The following SGCD variants were observed in gnomAD, a reference collection of about 807,000 sequenced individuals.
SGCD encodes the protein delta-sarcoglycan.
In SGCD, 18 loss-of-function variants were observed where a neutral mutation model predicts 36.6. That is an observed-to-expected ratio of 0.49 (90% CI 0.34 to 0.73). SGCD has a LOEUF of 0.73. SGCD is among the 30% of genes least tolerant of loss of function. The pLI, the probability that SGCD is intolerant of heterozygous loss-of-function variation, is 0.01. For synonymous variants in SGCD, 133 were observed against 130.6 expected, an observed-to-expected ratio of 1.02 and a Z score of -0.12; for missense variants, 387 against 346.7, an observed-to-expected ratio of 1.12 and a Z score of -0.92.
At chr5:156,151,797 G>T (rs1762841771) in intron 3 of SGCD, among the ~76,000 whole-genome samples, 1 of 150,682 alleles carries the variant, frequency 6.6e-6, no homozygotes, top group South Asian at 2.1e-4. Context: ...CTGGACCAAA[G>T]GTATGTCTAC....
At chr5:156,111,066 A>T (rs1581104807) in intron 1 of SGCD, among the ~76,000 whole-genome samples, 1 of 152,332 alleles carries the variant, frequency 6.6e-6, no homozygotes, top group African/African-American at 2.4e-5. Context: ...GCTCTAAAAC[A>T]TCCATGGGCA....
At chr5:156,606,049 A>T (rs1561809829) in intron 6 of SGCD, among the ~76,000 whole-genome samples, 1 of 152,172 alleles carries the variant, frequency 6.6e-6, no homozygotes, top group African/African-American at 2.4e-5. Flanking sequence ...CTTTAGCTTA[A>T]TTAGATCCCA....
the SGCD span, among the ~76,000 whole-genome samples, chr5:155,793,977 GAA>G: frequency 6.7e-6 from 1 of 149,602 alleles, no homozygotes; most frequent in African/African-American, 2.5e-5. Context: ...AAAAGAGAGA[GAA>G]AGAATAAAAC....
intron 3 of SGCD, among the ~76,000 whole-genome samples, chr5:156,298,187 G>A (rs1322542165): frequency 6.6e-6 from 1 of 152,054 alleles, no homozygotes; most frequent in East Asian, 1.9e-4. Context: ...ATCTGTTGAT[G>A]TACACTTAGG....
the SGCD span, among the ~76,000 whole-genome samples, chr5:155,856,466 A>C: frequency 6.6e-6 from 1 of 152,236 alleles, no homozygotes; most frequent in African/African-American, 2.4e-5. Flanking sequence ...TATTAAAAGT[A>C]ACCTCTAAGT....
chr5:156,398,945 A>G (rs970639606), intron 3 of SGCD, among the ~76,000 whole-genome samples: 5 of 152,182 alleles, frequency 3.3e-5, no homozygotes, highest in Admixed American at 2.6e-4. Flanking sequence ...TAAGTGCTCA[A>G]TAGCCACATG....
At chr5:155,961,853 T>C (rs1000617160) in intron 1 of SGCD, among the ~76,000 whole-genome samples, 1 of 152,082 alleles carries the variant, frequency 6.6e-6, no homozygotes, top group African/African-American at 2.4e-5. Flanking sequence ...AACAGAATAG[T>C]ACTTGGTATG....
intron 1 of SGCD, among the ~76,000 whole-genome samples, chr5:156,022,438 A>G (rs907815202): frequency 1.1e-4 from 16 of 152,320 alleles, no homozygotes; most frequent in Admixed American, 9.8e-4. Flanking sequence ...TTCAAATGTG[A>G]CTTCTAAAAT....
the SGCD span, among the ~76,000 whole-genome samples, chr5:155,828,342 A>G: frequency 6.6e-6 from 1 of 152,182 alleles, no homozygotes; most frequent in South Asian, 2.1e-4. Context: ...AACCCAGAGC[A>G]GTTTGGCTCA....
chr5:156,049,482 G>T (rs1419225631), intron 1 of SGCD, among the ~76,000 whole-genome samples: 2 of 145,698 alleles, frequency 1.4e-5, no homozygotes, highest in East Asian at 1.9e-4. Flanking sequence ...CCATTTGTTT[G>T]TATCCTCTTT....
At chr5:156,130,626 G>A (rs1472725238) in intron 3 of SGCD, among the ~76,000 whole-genome samples, 3 of 152,090 alleles carry the variant, frequency 2.0e-5, no homozygotes, top group African/African-American at 7.2e-5. Context: ...CAGGCCAGTT[G>A]TGAGGAAATA....
intron 7 of SGCD, among the ~76,000 whole-genome samples, chr5:156,735,852 T>C (rs746835060): frequency 4.6e-5 from 7 of 152,174 alleles, no homozygotes; most frequent in Non-Finnish European, 8.8e-5. Flanking sequence ...CCAGAGTATC[T>C]AAAGTTCCCA....
chr5:156,567,140 T>C (rs1446047112), intron 4 of SGCD, among the ~76,000 whole-genome samples: 2 of 152,180 alleles, frequency 1.3e-5, no homozygotes, highest in Non-Finnish European at 2.9e-5. Flanking sequence ...ATATTTTCTC[T>C]TGGTTAAACT....
intron 3 of SGCD, among the ~76,000 whole-genome samples, chr5:156,141,044 A>G (rs764836349): frequency 1.3e-5 from 2 of 152,176 alleles, no homozygotes; most frequent in Non-Finnish European, 1.5e-5. Flanking sequence ...GCACACTGCT[A>G]CTTGACCACC....
At chr5:156,385,288 T>A (rs896468529) in intron 3 of SGCD, among the ~76,000 whole-genome samples, 3 of 152,190 alleles carry the variant, frequency 2.0e-5, no homozygotes, top group African/African-American at 7.2e-5. Context: ...AAGTCTAGAT[T>A]TCTCTGTAGG....
At chr5:155,953,238 T>C (rs1225652965) in intron 1 of SGCD, among the ~76,000 whole-genome samples, 1 of 152,124 alleles carries the variant, frequency 6.6e-6, no homozygotes, top group Non-Finnish European at 1.5e-5. Context: ...AAAGCACAAT[T>C]TACTTAATAC....
At chr5:156,190,695 T>G (rs1763869669) in intron 3 of SGCD, among the ~76,000 whole-genome samples, 2 of 152,138 alleles carry the variant, frequency 1.3e-5, no homozygotes, top group South Asian at 4.1e-4. Flanking sequence ...AGTTGTATAT[T>G]ATATTAGAGG....
chr5:156,647,413 A>G, intron 6 of SGCD, 51 bp from the exon 7 acceptor site: 2 of 1,261,142 alleles, frequency 1.6e-6, no homozygotes, highest in Non-Finnish European at 2.3e-6. Flanking sequence ...TTGTGCCTAC[A>G]GGTGACTCCA....
chr5:156,540,300 G>A (rs79127894), intron 4 of SGCD, among the ~76,000 whole-genome samples: 33,962 of 151,992 alleles, frequency 0.22, 4,567 homozygotes, highest in Non-Finnish European at 0.31. Context: ...ATTATTATTT[G>A]TCACTTATTT....
Sources: gnomAD v4.1 joint callset for allele counts (sites outside exome capture counted in the v4.1 genomes callset) on GRCh38, gnomAD v4.1.1 for gene constraint, MANE v1.5 for transcripts, NCBI Gene and HGNC (gene_info 2026-07-23, HGNC 2026-07-21) for gene names.